IQCM: variants seen among roughly 807,000 people sequenced by gnomAD.
The protein encoded by IQCM is IQ motif containing M, also known as IQ domain-containing protein M.
A neutral mutation model predicts 57.6 loss-of-function variants in IQCM; 45 were observed. The observed-to-expected ratio is 0.78, with a 90% CI of 0.62 to 1.00. IQCM has a LOEUF of 1.00. Among genes scored for constraint, IQCM ranks in the 50% least tolerant of loss-of-function variants. The probability of loss-of-function intolerance (pLI) is 0.00; values close to 1 mark genes in which losing one functional copy is unlikely to be tolerated. For missense variants in IQCM, 468 were observed against 511.6 expected, an observed-to-expected ratio of 0.91 and a Z score of 0.82; for synonymous variants, 148 against 158.9, an observed-to-expected ratio of 0.93 and a Z score of 0.51.
At chr4:149,706,963 G>A (rs1334887769) in intron 5 of IQCM, among the ~76,000 whole-genome samples, 2 of 151,946 alleles carry the variant, frequency 1.3e-5, no homozygotes, top group Non-Finnish European at 2.9e-5. Context: ...TTTTGTGAAA[G>A]GCCTTTAGAA....
intron 2 of IQCM, among the ~76,000 whole-genome samples, chr4:149,797,471 G>A (rs1773210522): frequency 1.3e-5 from 2 of 152,016 alleles, no homozygotes; most frequent in African/African-American, 4.8e-5. Context: ...CCTTAAAGAG[G>A]AAGTAGAGAA....
chr4:149,806,169 T>C (rs957025389), intron 2 of IQCM, among the ~76,000 whole-genome samples: 3 of 151,756 alleles, frequency 2.0e-5, no homozygotes, highest in African/African-American at 7.2e-5. Context: ...AAAAAGCTGT[T>C]AATTTTTATG....
intron 13 of IQCM, among the ~76,000 whole-genome samples, chr4:149,401,826 A>G (rs985572890): frequency 2.6e-5 from 4 of 151,846 alleles, no homozygotes; most frequent in African/African-American, 9.7e-5. Flanking sequence ...CAAATACTCC[A>G]TGAAAACTTA....
intron 5 of IQCM, among the ~76,000 whole-genome samples, chr4:149,730,458 G>T (rs1027585453): frequency 6.6e-5 from 10 of 151,988 alleles, no homozygotes; most frequent in African/African-American, 2.4e-4. Context: ...TAACTTTTAG[G>T]TTAAAATTCA....
intron 12 of IQCM, among the ~76,000 whole-genome samples, chr4:149,506,559 T>C (rs969676808): frequency 6.6e-6 from 1 of 152,126 alleles, no homozygotes; most frequent in African/African-American, 2.4e-5. Context: ...GGGCCCAGGA[T>C]ATATACCCTT....
At chr4:149,504,468 C>T (rs1044593470) in intron 12 of IQCM, among the ~76,000 whole-genome samples, 10 of 152,176 alleles carry the variant, frequency 6.6e-5, no homozygotes, top group Middle Eastern at 3.4e-3. Flanking sequence ...CAATCCCCAC[C>T]GCCCAGCCCA....
chr4:149,690,725 C>T (rs963409082), intron 5 of IQCM: 1 of 152,052 alleles, frequency 6.6e-6, no homozygotes, highest in African/African-American at 2.4e-5. Context: ...CCCAAGGATA[C>T]CGAGCAAAGG....
chr4:149,548,017 T>C (rs1235862088), intron 12 of IQCM, among the ~76,000 whole-genome samples: 1 of 152,182 alleles, frequency 6.6e-6, no homozygotes, highest in Non-Finnish European at 1.5e-5. Flanking sequence ...TGTGAAAGTC[T>C]ATTATATTGA....
chr4:149,533,863 T>C (rs1275051843), intron 12 of IQCM, among the ~76,000 whole-genome samples: 1 of 152,036 alleles, frequency 6.6e-6, no homozygotes, highest in Non-Finnish European at 1.5e-5. Context: ...ACAACACTAT[T>C]GTTAAATAGC....
intron 7 of IQCM, among the ~76,000 whole-genome samples, chr4:149,660,153 CA>C (rs1381797178): frequency 6.6e-6 from 1 of 151,110 alleles, no homozygotes; most frequent in Non-Finnish European, 1.5e-5. Context: ...CAAACAACCC[CA>C]TCAAAAAGTG....
intron 13 of IQCM, among the ~76,000 whole-genome samples, chr4:149,357,696 C>G (rs1161650994): frequency 6.6e-6 from 1 of 152,124 alleles, no homozygotes; most frequent in East Asian, 1.9e-4. Flanking sequence ...GGATATTGGT[C>G]TTGAATTCTC....
intron 7 of IQCM, among the ~76,000 whole-genome samples, chr4:149,621,467 G>A (rs919529226): frequency 3.3e-5 from 5 of 152,108 alleles, no homozygotes; most frequent in Admixed American, 1.3e-4. Context: ...TAAGGTTCTC[G>A]TGTTTTTATT....
intron 7 of IQCM, among the ~76,000 whole-genome samples, chr4:149,660,150 C>T (rs1439877236): frequency 6.6e-6 from 1 of 151,062 alleles, no homozygotes; most frequent in African/African-American, 2.4e-5. Context: ...AAACAAACAA[C>T]CCCATCAAAA....
At chr4:149,424,105 G>A (rs72955405) in intron 13 of IQCM, among the ~76,000 whole-genome samples, 1 of 151,822 alleles carries the variant, frequency 6.6e-6, no homozygotes, top group African/African-American at 2.4e-5. Flanking sequence ...TTACAGTGGG[G>A]AATAAGGATA....
intron 11 of IQCM, among the ~76,000 whole-genome samples, chr4:149,550,836 A>G (rs1302846187): frequency 2.6e-5 from 4 of 152,150 alleles, no homozygotes; most frequent in African/African-American, 9.7e-5. Flanking sequence ...TTTCCCCTCA[A>G]TGTAAATGGA....
At chr4:149,458,106 T>C (rs1737895733) in intron 12 of IQCM, among the ~76,000 whole-genome samples, 2 of 151,996 alleles carry the variant, frequency 1.3e-5, no homozygotes, top group Non-Finnish European at 2.9e-5. Flanking sequence ...CAGGTTAAGA[T>C]TTATAAAACC....
At chr4:149,754,580 T>C (rs953154953) in intron 2 of IQCM, among the ~76,000 whole-genome samples, 33 of 152,222 alleles carry the variant, frequency 2.2e-4, no homozygotes, top group Admixed American at 1.8e-3. Context: ...GCATTTTATG[T>C]ATTTTATCAC....
chr4:149,735,327 G>A, intron 4 of IQCM, 49 bp downstream of exon 4: 1 of 898,306 alleles, frequency 1.1e-6, no homozygotes, highest in Non-Finnish European at 1.5e-6. Flanking sequence ...AATCCTTGTA[G>A]TATGCAAAAA....
chr4:149,388,729 C>CAT (rs913471071), intron 13 of IQCM, among the ~76,000 whole-genome samples: 9 of 142,456 alleles, frequency 6.3e-5, no homozygotes, highest in African/African-American at 1.0e-4. Flanking sequence ...CTTTCTCTGA[C>CAT]ATATATATAT....
Sources: allele counts gnomAD v4.1 joint callset (sites outside exome capture counted in the v4.1 genomes callset), GRCh38; gene constraint gnomAD v4.1.1; transcripts MANE v1.5; gene names NCBI Gene and HGNC (gene_info 2026-07-23, HGNC 2026-07-21).